The following ESRP1 variants were observed in gnomAD, a reference collection of about 807,000 sequenced individuals.
ESRP1 encodes epithelial splicing regulatory protein 1.
Under a neutral mutation model 81.7 loss-of-function variants are expected in ESRP1, and 33 were observed. That is an observed-to-expected ratio of 0.40 (90% confidence interval 0.31 to 0.54). The LOEUF is 0.54. Ranked by LOEUF, ESRP1 falls within the 20% of genes least tolerant of loss-of-function variation. The probability of loss-of-function intolerance (pLI) is 0.41; values close to 1 mark genes in which losing one functional copy is unlikely to be tolerated. For missense variants in ESRP1, 672 were observed against 833.1 expected (o/e 0.81, Z 2.38); for synonymous variants, 320 against 303.3 (o/e 1.06, Z -0.57).
intron 11 of ESRP1, among the ~76,000 whole-genome samples, 168 bp from the exon 12 acceptor site, chr8:94,674,140 A>C (rs1819474764): frequency 6.6e-6 from 1 of 152,200 alleles, no homozygotes; most frequent in African/African-American, 2.4e-5. Flanking sequence ...TCTGGTGATC[A>C]GGTGATGAAA....
chr8:94,663,131 C>T (rs928640576), intron 6 of ESRP1, among the ~76,000 whole-genome samples: 2 of 152,106 alleles, frequency 1.3e-5, no homozygotes, highest in Admixed American at 1.3e-4. Context: ...ATTTTGGTCT[C>T]CCCAAACTAT....
intron 6 of ESRP1, among the ~76,000 whole-genome samples, chr8:94,663,996 C>T (rs751318717): frequency 4.6e-5 from 7 of 151,986 alleles, no homozygotes; most frequent in Non-Finnish European, 1.0e-4. Flanking sequence ...ATCCTAAATT[C>T]GGCTGCTAAA....
At chr8:94,662,791 G>A (rs1309318745) in intron 6 of ESRP1, among the ~76,000 whole-genome samples, 1 of 152,076 alleles carries the variant, frequency 6.6e-6, no homozygotes, top group Non-Finnish European at 1.5e-5. Flanking sequence ...TGTAGTTTTA[G>A]TAGAGATGGG....
intron 13 of ESRP1, among the ~76,000 whole-genome samples, chr8:94,684,827 A>C (rs1809070586): frequency 6.6e-6 from 1 of 152,102 alleles, no homozygotes; most frequent in African/African-American, 2.4e-5. Context: ...AGGCCAAGGT[A>C]GGAGGATCGC....
chr8:94,667,146 C>T (rs1277814244), intron 9 of ESRP1, among the ~76,000 whole-genome samples: 24 of 149,332 alleles, frequency 1.6e-4, no homozygotes, highest in Admixed American at 5.4e-4. Flanking sequence ...TGAATCTCTG[C>T]GGCGGTGTTT....
intron 9 of ESRP1, among the ~76,000 whole-genome samples, chr8:94,667,294 T>C (rs1054352464): frequency 8.5e-5 from 13 of 152,126 alleles, no homozygotes; most frequent in African/African-American, 3.1e-4. Flanking sequence ...GTTTCAAAGA[T>C]ATGCATTTAA....
intron 15 of ESRP1, among the ~76,000 whole-genome samples, chr8:94,699,533 C>T (rs373126171): frequency 6.6e-5 from 10 of 152,034 alleles, no homozygotes; most frequent in East Asian, 3.9e-4. Flanking sequence ...CCGGCTACTC[C>T]GGAGGCTGAG....
At chr8:94,663,761 C>G (rs1337800606) in intron 6 of ESRP1, among the ~76,000 whole-genome samples, 1 of 152,060 alleles carries the variant, frequency 6.6e-6, no homozygotes, top group African/African-American at 2.4e-5. Flanking sequence ...AGAAAATGTC[C>G]TAGGAGAACT....
At chr8:94,657,804 T>C (rs1277610284) in intron 4 of ESRP1, among the ~76,000 whole-genome samples, 1 of 152,226 alleles carries the variant, frequency 6.6e-6, no homozygotes, top group East Asian at 1.9e-4. Flanking sequence ...TATGAATTTA[T>C]AAAACTTCTC....
At chr8:94,676,005 T>G (rs1356311259) in intron 12 of ESRP1, among the ~76,000 whole-genome samples, 1 of 152,184 alleles carries the variant, frequency 6.6e-6, no homozygotes, top group African/African-American at 2.4e-5. Flanking sequence ...TTAACTTACT[T>G]TCTTAAGAAG....
At chr8:94,660,949 T>C (rs951512534) in intron 4 of ESRP1, among the ~76,000 whole-genome samples, 17 of 152,080 alleles carry the variant, frequency 1.1e-4, no homozygotes, top group Admixed American at 3.9e-4. Context: ...GATCTATGAG[T>C]AGCCATCAAC....
chr8:94,647,058 T>C (rs1817889727), intron 4 of ESRP1, among the ~76,000 whole-genome samples: 1 of 152,178 alleles, frequency 6.6e-6, no homozygotes, highest in Admixed American at 6.5e-5. Flanking sequence ...TTCAGTAGCT[T>C]GTGGGTTGTA....
At chr8:94,661,282 T>C (rs1314867603) in intron 4 of ESRP1, among the ~76,000 whole-genome samples, 1 of 152,078 alleles carries the variant, frequency 6.6e-6, no homozygotes, top group Non-Finnish European at 1.5e-5. Context: ...TCTCAAGAGA[T>C]CCTCCCGCCT....
intron 11 of ESRP1, among the ~76,000 whole-genome samples, chr8:94,671,986 T>C (rs754151107): frequency 2.0e-5 from 3 of 152,202 alleles, no homozygotes; most frequent in Non-Finnish European, 4.4e-5. Flanking sequence ...AAATTCAGCT[T>C]TGATTTCTTC....
At chr8:94,680,616 G>A (rs1271544324) in intron 13 of ESRP1, among the ~76,000 whole-genome samples, 1 of 151,954 alleles carries the variant, frequency 6.6e-6, no homozygotes, top group Non-Finnish European at 1.5e-5. Context: ...TAGTAGAGAA[G>A]GGGTTTCTCC....
At chr8:94,668,566 A>G (rs981809331) in intron 10 of ESRP1, among the ~76,000 whole-genome samples, 2 of 152,252 alleles carry the variant, frequency 1.3e-5, no homozygotes, top group Non-Finnish European at 2.9e-5. Flanking sequence ...TGCATACTTT[A>G]TCTAGAAATT....
In ESRP1 at chr8:94,678,201, A is replaced by G. The variant is rs1312239219; in HGVS notation, c.1652-2A>G. 6.2e-7 allele frequency: 1 copy of G among 1,613,760 alleles called. No individual in the cohort carries two copies. Among genetic ancestry groups the G allele is most frequent in the Non-Finnish European group, 8.5e-7 (1 of 1,179,770 alleles). On this transcript the variant is annotated splice_acceptor_variant, in intron 12 of 15. Coordinates refer to ENST00000433389, the MANE Select transcript of ESRP1 (RefSeq NM_017697.4). LOFTEE classifies it high-confidence loss of function. ...TCAAAGAATCTCTCTTTGCATATCT[A>G]GGCCTGTCTCCTCCCTCCTACACAT...
chr8:94,646,713 C>T (rs1817875288), intron 4 of ESRP1, among the ~76,000 whole-genome samples: 1 of 152,054 alleles, frequency 6.6e-6, no homozygotes, highest in African/African-American at 2.4e-5. Flanking sequence ...GTTCACTGGT[C>T]CCGCTTTTAG....
intron 3 of ESRP1, 46 bp from the exon 4 acceptor site, chr8:94,646,122 G>C (rs765144308): frequency 8.9e-7 from 1 of 1,118,474 alleles, no homozygotes; most frequent in Admixed American, 2.1e-5. Flanking sequence ...GAGAAACATT[G>C]AACCAAATTC....
Sources: gnomAD v4.1 joint callset for allele counts (sites outside exome capture counted in the v4.1 genomes callset) on GRCh38, gnomAD v4.1.1 for gene constraint, MANE v1.5 for transcripts, NCBI Gene and HGNC (gene_info 2026-07-23, HGNC 2026-07-21) for gene names.